Variants in PIK3C3 observed in about 807,000 individuals in gnomAD.
The protein encoded by PIK3C3 is phosphatidylinositol 3-kinase catalytic subunit type 3.
Under a neutral mutation model 126.1 loss-of-function variants are expected in PIK3C3, and 95 were observed. The observed-to-expected ratio is 0.75, with a 90% CI of 0.64 to 0.89. The LOEUF (loss-of-function observed/expected upper bound fraction) is 0.89. PIK3C3 is among the 40% of genes least tolerant of loss of function. The pLI is 0.00. For missense variants in PIK3C3, 829 were observed against 1,063.2 expected, an observed-to-expected ratio of 0.78 and a Z score of 3.06; for synonymous variants, 374 against 360.0, an observed-to-expected ratio of 1.04 and a Z score of -0.44.
intron 24 of PIK3C3, among the ~76,000 whole-genome samples, chr18:42,074,723 T>C (rs1331021448): frequency 6.6e-6 from 1 of 152,158 alleles, no homozygotes; most frequent in Non-Finnish European, 1.5e-5. Context: ...TCCATTTTTT[T>C]TCTTTTGGTG....
chr18:41,982,074 T>C (rs992372089), intron 4 of PIK3C3, among the ~76,000 whole-genome samples: 8 of 152,194 alleles, frequency 5.3e-5, no homozygotes, highest in Non-Finnish European at 1.2e-4. Flanking sequence ...AATATAATTC[T>C]AGTGCACCAT....
intron 10 of PIK3C3, among the ~76,000 whole-genome samples, chr18:42,011,987 G>C (rs934042828): frequency 6.6e-6 from 1 of 151,984 alleles, no homozygotes; most frequent in African/African-American, 2.4e-5. Context: ...ATGCTTTGTG[G>C]CACCCCTGGT....
intron 4 of PIK3C3, among the ~76,000 whole-genome samples, chr18:41,972,169 A>C (rs1274104678): frequency 6.6e-6 from 1 of 152,054 alleles, no homozygotes; most frequent in African/African-American, 2.4e-5. Context: ...GATGTGACTT[A>C]ATGATCACCT....
At chr18:41,970,068 T>C (rs1423161651) in intron 3 of PIK3C3, among the ~76,000 whole-genome samples, 1 of 152,214 alleles carries the variant, frequency 6.6e-6, no homozygotes, top group East Asian at 1.9e-4. Context: ...TTCTCATCCT[T>C]CTCTCCTTCC....
chr18:41,988,021 C>G, intron 5 of PIK3C3, 123 bp downstream of exon 5: 1 of 573,582 alleles, frequency 1.7e-6, no homozygotes, highest in Non-Finnish European at 3.0e-6. Context: ...ACCCCTGTAG[C>G]TGGGAATTCT....
rs1401649557 is a variant in PIK3C3, at chr18:42,085,132, A to C, written c.*3995A>C. On this transcript the variant is annotated 3_prime_UTR_variant, in exon 25 of 25. Coordinates refer to ENST00000262039, the MANE Select transcript of PIK3C3 (RefSeq NM_002647.4). ...AACCTAACAAAAAGCACTTTTCTAT[A>C]TAATGAGTGGTTTATATTAAGAATA... 1 of 152,198 alleles carries C rather than the reference A, an allele frequency of 6.6e-6. No homozygotes were observed. Among genetic ancestry groups the C allele is most frequent in the Admixed American group, 6.5e-5 (1 of 15,286 alleles). The allele number at this position is 152,198 out of a possible 1,614,324, so 9.4% of individuals were successfully genotyped here. A position where few individuals can be genotyped will look rare whatever the true frequency, so the allele number is the denominator to read the frequency against.
chr18:41,991,536 T>C (rs1981778128), intron 6 of PIK3C3, among the ~76,000 whole-genome samples: 1 of 152,186 alleles, frequency 6.6e-6, no homozygotes, highest in Non-Finnish European at 1.5e-5. Flanking sequence ...ATATGCAGTG[T>C]ATTTGTTCAT....
At chr18:42,056,431 G>A (rs377540090) in intron 21 of PIK3C3, among the ~76,000 whole-genome samples, 13 of 152,222 alleles carry the variant, frequency 8.5e-5, no homozygotes, top group South Asian at 8.3e-4. Flanking sequence ...GATAGGTTTC[G>A]TATTAAAAGC....
chr18:42,076,336 G>A (rs1238463681), intron 24 of PIK3C3, among the ~76,000 whole-genome samples: 1 of 151,096 alleles, frequency 6.6e-6, no homozygotes, highest in African/African-American at 2.4e-5. Context: ...AATTTTACTT[G>A]TAAATTTAAA....
chr18:42,034,909 C>T (rs1307962379), intron 16 of PIK3C3, among the ~76,000 whole-genome samples: 2 of 152,182 alleles, frequency 1.3e-5, no homozygotes, highest in Non-Finnish European at 2.9e-5. Flanking sequence ...AAGGCAACCT[C>T]ATATTTGGTC....
chr18:42,043,100 CTTT>C (rs879644776), intron 19 of PIK3C3, among the ~76,000 whole-genome samples: 1 of 142,752 alleles, frequency 7.0e-6, no homozygotes, highest in Non-Finnish European at 1.5e-5. Context: ...ATAGGATAAA[CTTT>C]TTTTTTTTTT....
chr18:42,079,438 G>A (rs966838129), intron 24 of PIK3C3, among the ~76,000 whole-genome samples: 2 of 152,110 alleles, frequency 1.3e-5, no homozygotes, highest in Admixed American at 1.3e-4. Context: ...CACCATAGCA[G>A]GTGGAATAGT....
chr18:42,027,380 G>C, intron 13 of PIK3C3, 63 bp from the exon 14 acceptor site: 2 of 850,882 alleles, frequency 2.4e-6, no homozygotes, highest in Non-Finnish European at 3.8e-6. Context: ...AATGATATGA[G>C]TATTTACAAA....
At position 42,054,170 on chromosome 18, in the gene PIK3C3, A is replaced by C. The variant is rs1454288715; in HGVS notation, c.2264-3713A>C. On this transcript the variant is annotated intron_variant, in intron 21 of 24. Coordinates refer to ENST00000262039, the MANE Select transcript of PIK3C3 (RefSeq NM_002647.4). ...TATATATATATATATATATATATAT[A>C]TATATATATATATATATATATAAAG... 1.6e-3 allele frequency among the ~76,000 whole-genome samples: 83 copies of C among 52,542 alleles called. 7 individuals carry two copies. Among genetic ancestry groups the C allele is most frequent in the East Asian group, 3.7e-3 (7 of 1,872 alleles). The allele number at this position is 52,542 out of a possible 152,430, so 34.5% of individuals were successfully genotyped here.
chr18:41,985,976 C>A (rs1981454246), intron 4 of PIK3C3, among the ~76,000 whole-genome samples: 1 of 152,116 alleles, frequency 6.6e-6, no homozygotes, highest in South Asian at 2.1e-4. Flanking sequence ...GTTCTTTGCT[C>A]ATAGGAAATT....
chr18:42,020,229 A>G (rs902406347), intron 12 of PIK3C3, among the ~76,000 whole-genome samples: 3 of 152,118 alleles, frequency 2.0e-5, no homozygotes, highest in South Asian at 2.1e-4. Flanking sequence ...CAGTCTCTTC[A>G]GTGTTCACTA....
intron 4 of PIK3C3, among the ~76,000 whole-genome samples, chr18:41,976,774 T>C (rs1451166187): frequency 6.6e-6 from 1 of 152,242 alleles, no homozygotes; most frequent in Non-Finnish European, 1.5e-5. Context: ...TACTTGCTTT[T>C]ATTTGAGTCT....
intron 19 of PIK3C3, among the ~76,000 whole-genome samples, chr18:42,042,933 T>A (rs1158590159): frequency 1.3e-5 from 2 of 152,172 alleles, no homozygotes; most frequent in East Asian, 1.9e-4. Context: ...TATAGGCCAT[T>A]TGTTTCTTCT....
intron 24 of PIK3C3, among the ~76,000 whole-genome samples, chr18:42,073,775 C>T (rs372696178): frequency 1.3e-5 from 2 of 151,288 alleles, no homozygotes; most frequent in East Asian, 1.9e-4. Context: ...TTGACTTTAG[C>T]ACCTAAACCC....
Sources: gnomAD v4.1 joint callset for allele counts (sites outside exome capture counted in the v4.1 genomes callset) on GRCh38, gnomAD v4.1.1 for gene constraint, MANE v1.5 for transcripts, NCBI Gene and HGNC (gene_info 2026-07-23, HGNC 2026-07-21) for gene names.